CYTH4: variants seen among roughly 807,000 people sequenced by gnomAD.
CYTH4 encodes cytohesin-4.
Under a neutral mutation model 57.5 loss-of-function variants are expected in CYTH4, and 22 were observed. The observed-to-expected ratio is 0.38, with a 90% CI of 0.27 to 0.55. CYTH4 has a LOEUF of 0.55. CYTH4 is among the 20% of genes least tolerant of loss of function. The pLI, the probability that CYTH4 is intolerant of heterozygous loss-of-function variation, is 0.74. For synonymous variants in CYTH4, 186 were observed against 206.5 expected (o/e 0.90, Z 0.85); for missense variants, 420 against 535.6 (o/e 0.78, Z 2.13).
At chr22:37,299,120 G>A (rs1367957705) in intron 5 of CYTH4, 106 bp from the exon 6 acceptor site, 1 of 786,980 alleles carries the variant, frequency 1.3e-6, no homozygotes, top group East Asian at 2.6e-5. Context: ...ACCCCAGAAG[G>A]ACAGATGTCT....
At chr22:37,307,513 A>G (rs1345910444) in intron 8 of CYTH4, among the ~76,000 whole-genome samples, 1 of 152,076 alleles carries the variant, frequency 6.6e-6, no homozygotes, top group Non-Finnish European at 1.5e-5. Context: ...ATAGCCCCAC[A>G]GCCAGATTGA....
chr22:37,284,949 G>C (rs567695441), intron 1 of CYTH4, among the ~76,000 whole-genome samples: 15 of 87,228 alleles, frequency 1.7e-4, no homozygotes, highest in Non-Finnish European at 2.7e-4. Context: ...TGGGGCGGTG[G>C]GGGGGCGGCG....
At chr22:37,282,931 C>G (rs1378963210) in intron 1 of CYTH4, among the ~76,000 whole-genome samples, 2 of 152,268 alleles carry the variant, frequency 1.3e-5, no homozygotes, top group Middle Eastern at 6.8e-3. Context: ...GTGGAAAAGG[C>G]CCCAAGAGGA....
chr22:37,286,556 G>C (rs1455138360), intron 1 of CYTH4, among the ~76,000 whole-genome samples: 1 of 152,102 alleles, frequency 6.6e-6, no homozygotes, highest in Non-Finnish European at 1.5e-5. Context: ...GGGAAGGGGT[G>C]GGGGCAGGGA....
At chr22:37,313,405 C>G (rs1929722675) in intron 12 of CYTH4, 34 bp from the exon 13 acceptor site, 1 of 1,606,858 alleles carries the variant, frequency 6.2e-7, no homozygotes, top group Non-Finnish European at 8.5e-7. Flanking sequence ...GACGGCCAGT[C>G]CAGCCCTGAA....
In CYTH4 at chr22:37,294,755, C is replaced by T. The variant is rs770524655; in HGVS notation, c.167+31C>T. 4 of 1,612,996 alleles carry T rather than the reference C, an allele frequency of 2.5e-6. No homozygotes were observed. The East Asian group carries it at 8.9e-5, about 36-fold the overall frequency. ...GGGCTTGGGTGGGGACCCCCAGAAACTGCCATGGTTGCTTCCCAAGGATGT... is the reference window on the plus strand; with the variant it reads ...GGGCTTGGGTGGGGACCCCCAGAAATTGCCATGGTTGCTTCCCAAGGATGT... On this transcript the variant is annotated intron_variant, in intron 3 of 12. Transcript: ENST00000248901.
chr22:37,302,853 C>T (rs111318067), intron 7 of CYTH4, among the ~76,000 whole-genome samples: 10 of 152,092 alleles, frequency 6.6e-5, no homozygotes, highest in African/African-American at 2.4e-4. Context: ...TGAACAGTGC[C>T]GCTAACAATG....
At chr22:37,284,465 C>G (rs1022415258) in intron 1 of CYTH4, among the ~76,000 whole-genome samples, 2 of 152,114 alleles carry the variant, frequency 1.3e-5, no homozygotes, top group Non-Finnish European at 2.9e-5. Flanking sequence ...GGAAGACCTC[C>G]TTGAGGAGGA....
At chr22:37,300,533 T>C (rs1237175788) in intron 6 of CYTH4, among the ~76,000 whole-genome samples, 1 of 152,160 alleles carries the variant, frequency 6.6e-6, no homozygotes, top group Non-Finnish European at 1.5e-5. Flanking sequence ...GCCCCACCTC[T>C]TCCCCAACTA....
intron 1 of CYTH4, among the ~76,000 whole-genome samples, chr22:37,290,091 C>T (rs1928697818): frequency 6.6e-6 from 1 of 152,130 alleles, no homozygotes; most frequent in Admixed American, 6.5e-5. Flanking sequence ...GCTCAAGTAC[C>T]AGCGATGTCC....
chr22:37,309,544 G>A (rs1929559382), intron 9 of CYTH4, among the ~76,000 whole-genome samples: 1 of 152,180 alleles, frequency 6.6e-6, no homozygotes, highest in Non-Finnish European at 1.5e-5. Flanking sequence ...AGCCAGTGGT[G>A]GGGGCTGAGC....
chr22:37,292,663 G>C lies in CYTH4; in HGVS notation c.62G>C (p.Arg21Thr). ...AGCGGGGAGACGGAAGAGTTACAGAGGATCAAGTGGCACCGAAAGCAGCTC... is the reference window on the plus strand; with the variant it reads ...AGCGGGGAGACGGAAGAGTTACAGACGATCAAGTGGCACCGAAAGCAGCTC... ...LSSGETEELQRIKWHRKQLLE... is the reference protein window; with the variant it reads ...LSSGETEELQTIKWHRKQLLE... The change falls in exon 2 of 13, where the codon AGG becomes ACG. Residue 21 changes from arginine to threonine, a missense_variant. Physicochemically the swap from Arg to Thr is moderately conservative, Grantham distance 71 (BLOSUM62 -1). Transcript: ENST00000248901. 6.2e-7 allele frequency: 1 copy of C among 1,613,914 alleles called. No homozygotes were observed. Among genetic ancestry groups the C allele is most frequent in the Non-Finnish European group, 8.5e-7 (1 of 1,179,966 alleles).
chr22:37,285,583 C>T (rs556688914), intron 1 of CYTH4, among the ~76,000 whole-genome samples: 24 of 151,962 alleles, frequency 1.6e-4, no homozygotes, highest in East Asian at 5.8e-4. Flanking sequence ...TGGTGGTGGG[C>T]GCCTGTAATC....
At position 37,313,718 on chromosome 22, in the gene CYTH4, C is replaced by T; in HGVS notation, c.*207C>T. ...TGGGCTCAGAGTCCAGCAATGAGGCCCCCTGGCCTGGGCACCCAGCTGCAG... is the reference window on the plus strand; with the variant it reads ...TGGGCTCAGAGTCCAGCAATGAGGCTCCCTGGCCTGGGCACCCAGCTGCAG... On this transcript the variant is annotated 3_prime_UTR_variant, in exon 13 of 13. Transcript: ENST00000248901. The T allele has an allele frequency of 1.7e-6, 1 of 588,670 alleles. No individual in the cohort carries two copies. The highest frequency in any genetic ancestry group is 3.0e-6 in the Non-Finnish European group (1 of 332,074). The allele number at this position is 588,670 out of a possible 1,614,324, so 36.5% of individuals were successfully genotyped here. A position where few individuals can be genotyped will look rare whatever the true frequency, so the allele number is the denominator to read the frequency against.
Position 37,311,383 on chromosome 22 carries a change from A to ACACGTT in CYTH4, c.886-69_886-64dup. On this transcript the variant is annotated intron_variant, in intron 10 of 12. Transcript: ENST00000248901. The surrounding 1 kb of genome is among the most constrained non-coding windows in gnomAD (Gnocchi z 4.4). ...CTCCTCTTTGAGTTTGGGGAACCCCACACGTTCACACCCTGCCTTGGGCCT... is the reference window on the plus strand; with the variant it reads ...CTCCTCTTTGAGTTTGGGGAACCCCACACGTTCACGTTCACACCCTGCCTTGGGCCT... 10 of 1,349,936 alleles carry ACACGTT rather than the reference A, an allele frequency of 7.4e-6. No individual in the cohort carries two copies. The highest frequency in any genetic ancestry group is 1.1e-5 in the Non-Finnish European group (10 of 942,554). The allele number at this position is 1,349,936 out of a possible 1,614,324, so 83.6% of individuals were successfully genotyped here.
intron 2 of CYTH4, 87 bp from the exon 3 acceptor site, chr22:37,294,573 G>T: frequency 6.8e-7 from 1 of 1,473,910 alleles, no homozygotes; most frequent in Non-Finnish European, 9.4e-7. Flanking sequence ...TCGTGCCCAG[G>T]GGTAGGAGTG....
intron 1 of CYTH4, 30 bp downstream of exon 1, chr22:37,282,618 C>G: frequency 6.3e-7 from 1 of 1,583,190 alleles, no homozygotes; most frequent in South Asian, 1.1e-5. Context: ...CTCTCTGGGC[C>G]TCAGGGTGCT....
intron 1 of CYTH4, among the ~76,000 whole-genome samples, chr22:37,285,413 A>C (rs763110630): frequency 1.8e-4 from 27 of 152,116 alleles, no homozygotes; most frequent in Admixed American, 5.2e-4. Flanking sequence ...GTATTTAAAA[A>C]TTCATCTCCT....
At chr22:37,304,570 A>G (rs1014934509) in intron 8 of CYTH4, among the ~76,000 whole-genome samples, 1 of 152,196 alleles carries the variant, frequency 6.6e-6, no homozygotes, top group Non-Finnish European at 1.5e-5. Flanking sequence ...GTCCCAGCTC[A>G]GCACCGAGTA....
Sources: gnomAD v4.1 joint callset for allele counts (sites outside exome capture counted in the v4.1 genomes callset) on GRCh38, gnomAD v4.1.1 for gene constraint, Gnocchi (gnomAD v3.1) non-coding constraint, MANE v1.5 for transcripts, NCBI Gene and HGNC (gene_info 2026-07-23, HGNC 2026-07-21) for gene names.